The following ILRUN variants were observed in gnomAD, a reference collection of about 807,000 sequenced individuals.
The protein encoded by ILRUN is inflammation and lipid regulator with UBA-like and NBR1-like domains, also known as protein ILRUN.
A neutral mutation model predicts 33.8 loss-of-function variants in ILRUN; 3 were observed. That is an observed-to-expected ratio of 0.09 (90% CI 0.04 to 0.23). The LOEUF (loss-of-function observed/expected upper bound fraction) is 0.23. ILRUN is among the 10% of genes least tolerant of loss of function. The pLI, the probability that ILRUN is intolerant of heterozygous loss-of-function variation, is 1.00. For synonymous variants in ILRUN, 124 were observed against 138.9 expected, an observed-to-expected ratio of 0.89 and a Z score of 0.75; for missense variants, 210 against 375.1, an observed-to-expected ratio of 0.56 and a Z score of 3.64.
At chr6:34,613,530 A>G (rs1410112564) in intron 3 of ILRUN, among the ~76,000 whole-genome samples, 1 of 152,230 alleles carries the variant, frequency 6.6e-6, no homozygotes, top group Non-Finnish European at 1.5e-5. Context: ...CTGATGGGAT[A>G]TAATTCTGAA....
In ILRUN at chr6:34,587,849, C is replaced by T; in HGVS notation, c.*2716G>A. The stretch of plus-strand genomic sequence containing the variant: ...GCACACTGACAGATTCTTCCCAAGT[C>T]TGAACCCCTCTGTCTCCCCAACTGG... On this transcript the variant is annotated 3_prime_UTR_variant, in exon 5 of 5. Transcript: ENST00000374023. The T allele has an allele frequency of 5.1e-6, 2 of 392,268 alleles. No individual in the cohort carries two copies. Among genetic ancestry groups the T allele is most frequent in the Non-Finnish European group, 9.0e-6 (2 of 222,504 alleles). 24.3% of individuals were successfully genotyped at this position (392,268 alleles called of 1,614,324 possible). A position where few individuals can be genotyped will look rare whatever the true frequency, so the allele number is the denominator to read the frequency against.
At chr6:34,683,578 T>C (rs1763454444) in intron 1 of ILRUN, among the ~76,000 whole-genome samples, 1 of 148,770 alleles carries the variant, frequency 6.7e-6, no homozygotes, top group Non-Finnish European at 1.5e-5. Flanking sequence ...GCTCCGAATA[T>C]AATGCACAGA....
At chr6:34,602,007 A>G (rs1002632158) in intron 4 of ILRUN, among the ~76,000 whole-genome samples, 3 of 152,180 alleles carry the variant, frequency 2.0e-5, no homozygotes, top group Non-Finnish European at 4.4e-5. Context: ...CCACAAAGAT[A>G]ATAATAAGTT....
At chr6:34,656,366 G>C (rs913828375) in intron 1 of ILRUN, among the ~76,000 whole-genome samples, 2 of 152,158 alleles carry the variant, frequency 1.3e-5, no homozygotes, top group Non-Finnish European at 2.9e-5. Flanking sequence ...ACCTAAGCCA[G>C]AGTTCCCAAC....
chr6:34,625,002 C>T (rs1245859567), intron 3 of ILRUN, among the ~76,000 whole-genome samples: 1 of 152,148 alleles, frequency 6.6e-6, no homozygotes, highest in African/African-American at 2.4e-5. Flanking sequence ...ATATCACAAA[C>T]CTAGCTGGAC....
intron 3 of ILRUN, among the ~76,000 whole-genome samples, chr6:34,613,245 AC>A (rs1761799603): frequency 6.6e-6 from 1 of 152,032 alleles, no homozygotes; most frequent in Non-Finnish European, 1.5e-5. Context: ...AACAACAACA[AC>A]AAAAAACCAA....
chr6:34,598,598 A>G (rs551148091), intron 4 of ILRUN, among the ~76,000 whole-genome samples: 1 of 152,352 alleles, frequency 6.6e-6, no homozygotes, highest in Non-Finnish European at 1.5e-5. Context: ...CTTCAGCCAC[A>G]AGAGTGCACA....
chr6:34,646,210 T>C lies in ILRUN; in HGVS notation c.511+391A>G, dbSNP rs1446640691. On this transcript the variant is annotated intron_variant, in intron 3 of 4. Transcript: ENST00000374023. The surrounding 1 kb of genome is among the most constrained non-coding windows in gnomAD (Gnocchi z 4.9). ...GAAGGGAGTGAGATATGTTAGCAGT[T>C]TGACAAGTAGGTTGGAAGAAGTATG... Among the ~76,000 whole-genome samples, 1 of 152,196 alleles carries C rather than the reference T, an allele frequency of 6.6e-6. No individual in the cohort carries two copies. The highest frequency in any genetic ancestry group is 1.5e-5 in the Non-Finnish European group (1 of 68,036).
intron 3 of ILRUN, among the ~76,000 whole-genome samples, chr6:34,614,407 G>A (rs1339686684): frequency 7.1e-6 from 1 of 140,292 alleles, no homozygotes; most frequent in Non-Finnish European, 1.5e-5. Flanking sequence ...GGGCGACAGA[G>A]CAAGACTCCA....
chr6:34,661,953 GTC>G (rs1290498565), intron 1 of ILRUN, among the ~76,000 whole-genome samples: 1 of 151,810 alleles, frequency 6.6e-6, no homozygotes, highest in African/African-American at 2.4e-5. Flanking sequence ...GTGAAACCCC[GTC>G]TCTACTAAAA....
chr6:34,643,278 G>A lies in ILRUN; in HGVS notation c.511+3323C>T, dbSNP rs141422075. On this transcript the variant is annotated intron_variant, in intron 3 of 4. Coordinates refer to ENST00000374023, the MANE Select transcript of ILRUN (RefSeq NM_024294.4). ...CATGTCACTGTACTCCAGCCTGGGC[G>A]ACAAGAGCAAGGACCCATCTCAAAA... Among the ~76,000 whole-genome samples, 1,376 of 150,212 alleles carry A rather than the reference G, an allele frequency of 9.2e-3. 10 individuals are homozygous for A. Among genetic ancestry groups the A allele is most frequent in the Middle Eastern group, 0.024 (7 of 294 alleles).
intron 1 of ILRUN, among the ~76,000 whole-genome samples, chr6:34,687,857 C>T (rs1162901243): frequency 6.6e-6 from 1 of 151,616 alleles, no homozygotes; most frequent in African/African-American, 2.4e-5. Context: ...ATTCAGCCAT[C>T]GTGGAAAAGA....
At chr6:34,632,253 C>T (rs1312975514) in intron 3 of ILRUN, among the ~76,000 whole-genome samples, 1 of 152,024 alleles carries the variant, frequency 6.6e-6, no homozygotes, top group Non-Finnish European at 1.5e-5. Flanking sequence ...CCAGCCTGGC[C>T]AACATGGAGA....
At chr6:34,621,690 GTC>G (rs1762015575) in intron 3 of ILRUN, among the ~76,000 whole-genome samples, 1 of 151,844 alleles carries the variant, frequency 6.6e-6, no homozygotes, top group Non-Finnish European at 1.5e-5. Flanking sequence ...TGAAACCCCC[GTC>G]TCTACTAAAA....
chr6:34,647,724 C>A (rs1211514102), intron 2 of ILRUN, among the ~76,000 whole-genome samples: 1 of 152,172 alleles, frequency 6.6e-6, no homozygotes, highest in Non-Finnish European at 1.5e-5. Flanking sequence ...ATTACCACGC[C>A]TGGCTAATTA....
At chr6:34,614,904 T>C (rs1000471742) in intron 3 of ILRUN, among the ~76,000 whole-genome samples, 1 of 152,170 alleles carries the variant, frequency 6.6e-6, no homozygotes, top group South Asian at 2.1e-4. Context: ...TCAGATTACA[T>C]GTCATTCTAT....
At position 34,683,431 on chromosome 6, in the gene ILRUN, T is replaced by TATATATAC. The variant is rs1445122135; in HGVS notation, c.158+13014_158+13015insGTATATAT. Among the ~76,000 whole-genome samples the TATATATAC allele has an allele frequency of 1.5e-3, 71 of 46,394 alleles. 1 individual carries two copies. The highest frequency in any genetic ancestry group is 6.4e-3 in the African/African-American group (39 of 6,096). 30.4% of individuals were successfully genotyped at this position (46,394 alleles called of 152,430 possible). ...ACATATATATATACATATATATACA[T>TATATATAC]ATATATATACATATATATATACATA... On this transcript the variant is annotated intron_variant, in intron 1 of 4. Transcript: ENST00000374023.
chr6:34,684,572 T>A (rs899427272), intron 1 of ILRUN, among the ~76,000 whole-genome samples: 82 of 152,116 alleles, frequency 5.4e-4, no homozygotes, highest in African/African-American at 1.6e-3. Context: ...ACAAAGGCTG[T>A]TAGGGGGCAC....
intron 1 of ILRUN, among the ~76,000 whole-genome samples, chr6:34,690,455 T>C (rs925329467): frequency 1.3e-5 from 2 of 151,814 alleles, no homozygotes; most frequent in African/African-American, 2.4e-5. Context: ...AGTGAAACTA[T>C]GTCTCAAAAA....
Sources: gnomAD v4.1 joint callset for allele counts (sites outside exome capture counted in the v4.1 genomes callset) on GRCh38, gnomAD v4.1.1 for gene constraint, Gnocchi (gnomAD v3.1) non-coding constraint, MANE v1.5 for transcripts, NCBI Gene and HGNC (gene_info 2026-07-23, HGNC 2026-07-21) for gene names.